NKAIN2: variants seen among roughly 807,000 people sequenced by gnomAD.
The protein encoded by NKAIN2 is sodium/potassium-transporting ATPase subunit beta-1-interacting protein 2.
Under a neutral mutation model 32.6 loss-of-function variants are expected in NKAIN2, and 14 were observed. The observed-to-expected ratio is 0.43, with a 90% CI of 0.28 to 0.67. The LOEUF (loss-of-function observed/expected upper bound fraction) is 0.67, where lower values mean the gene tolerates loss of function less well. NKAIN2 is among the 30% of genes least tolerant of loss of function. The pLI, the probability that NKAIN2 is intolerant of heterozygous loss-of-function variation, is 0.17. For missense variants in NKAIN2, 198 were observed against 258.3 expected (o/e 0.77, Z 1.60); for synonymous variants, 80 against 87.2 (o/e 0.92, Z 0.46).
chr6:123,874,950 G>T (rs576309461), intron 1 of NKAIN2, among the ~76,000 whole-genome samples: 2 of 151,698 alleles, frequency 1.3e-5, no homozygotes. Flanking sequence ...CCTATATAAA[G>T]GATATGAATA....
intron 4 of NKAIN2, among the ~76,000 whole-genome samples, chr6:124,773,516 T>C (rs557761297): frequency 6.6e-6 from 1 of 152,134 alleles, no homozygotes; most frequent in Non-Finnish European, 1.5e-5. Flanking sequence ...GATGGGTTTA[T>C]AGGCCTGCAG....
At chr6:123,844,203 C>T (rs865815826) in intron 1 of NKAIN2, among the ~76,000 whole-genome samples, 4 of 152,250 alleles carry the variant, frequency 2.6e-5, no homozygotes, top group South Asian at 2.1e-4. Flanking sequence ...GAACCCCAAC[C>T]GTGTCCTAAA....
chr6:124,504,290 A>G (rs1365242707), intron 3 of NKAIN2, among the ~76,000 whole-genome samples: 1 of 152,138 alleles, frequency 6.6e-6, no homozygotes, highest in African/African-American at 2.4e-5. Flanking sequence ...TTTGCATAGG[A>G]GTGATGTTTT....
intron 1 of NKAIN2, among the ~76,000 whole-genome samples, chr6:124,048,493 G>A (rs1427651827): frequency 6.6e-6 from 1 of 151,954 alleles, no homozygotes; most frequent in East Asian, 1.9e-4. Context: ...GAATAAGAAA[G>A]ATTTAACTAT....
chr6:124,542,002 T>C (rs990948577), intron 3 of NKAIN2, among the ~76,000 whole-genome samples: 2 of 152,158 alleles, frequency 1.3e-5, no homozygotes. Context: ...GAAACTACCA[T>C]ATATTTAGCA....
chr6:124,092,174 C>G (rs561183330), intron 1 of NKAIN2, among the ~76,000 whole-genome samples: 117 of 152,154 alleles, frequency 7.7e-4, no homozygotes, highest in Non-Finnish European at 1.4e-3. Flanking sequence ...CAAGTGCATC[C>G]AATGCACTGT....
At position 124,066,679 on chromosome 6, in the gene NKAIN2, A is replaced by G. The variant is rs187778994; in HGVS notation, c.55-216326A>G. ...TTAATTGTAAAAATAAAATTATAACATATGATTCAGCCATATGTGTTTTTA... is the reference window on the plus strand; with the variant it reads ...TTAATTGTAAAAATAAAATTATAACGTATGATTCAGCCATATGTGTTTTTA... On this transcript the variant is annotated intron_variant, in intron 1 of 6. Coordinates refer to ENST00000368417, the MANE Select transcript of NKAIN2 (RefSeq NM_001040214.3). 1.7e-3 allele frequency among the ~76,000 whole-genome samples: 252 copies of G among 152,328 alleles called. 2 individuals carry two copies. Among genetic ancestry groups the G allele is most frequent in the Middle Eastern group, 6.8e-3 (2 of 294 alleles).
intron 1 of NKAIN2, among the ~76,000 whole-genome samples, chr6:124,161,247 G>A (rs1788261918): frequency 1.3e-5 from 2 of 152,102 alleles, no homozygotes; most frequent in Admixed American, 1.3e-4. Context: ...TTACATGGCA[G>A]GAGCAGGACT....
At chr6:124,359,409 G>A (rs1421777157) in intron 3 of NKAIN2, among the ~76,000 whole-genome samples, 4 of 152,148 alleles carry the variant, frequency 2.6e-5, no homozygotes, top group Non-Finnish European at 4.4e-5. Flanking sequence ...CATGAGCATG[G>A]AATGTTCTTC....
At chr6:124,816,742 A>C (rs542399722) in intron 5 of NKAIN2, among the ~76,000 whole-genome samples, 7 of 152,284 alleles carry the variant, frequency 4.6e-5, no homozygotes, top group African/African-American at 1.7e-4. Flanking sequence ...GTAAGCCAAT[A>C]GAAGGAGATG....
intron 2 of NKAIN2, among the ~76,000 whole-genome samples, chr6:124,337,554 C>T (rs74987151): frequency 1.3e-5 from 2 of 152,120 alleles, no homozygotes; most frequent in South Asian, 2.1e-4. Flanking sequence ...ACTTAAGCAC[C>T]TAGTTTAGAA....
At chr6:124,410,392 G>T (rs1774103701) in intron 3 of NKAIN2, among the ~76,000 whole-genome samples, 1 of 152,130 alleles carries the variant, frequency 6.6e-6, no homozygotes, top group Non-Finnish European at 1.5e-5. Context: ...GGTATGTTCT[G>T]TCTTTGTTCT....
intron 1 of NKAIN2, among the ~76,000 whole-genome samples, chr6:124,029,454 C>T (rs1781306641): frequency 6.7e-6 from 1 of 149,916 alleles, no homozygotes; most frequent in African/African-American, 2.5e-5. Flanking sequence ...TAAGGAAGCA[C>T]ATACCCCAGT....
At chr6:124,295,030 A>ATG (rs1378272824) in intron 2 of NKAIN2, among the ~76,000 whole-genome samples, 2 of 152,180 alleles carry the variant, frequency 1.3e-5, no homozygotes, top group Non-Finnish European at 2.9e-5. Flanking sequence ...AAAATTTAAT[A>ATG]TGTGTGTACA....
At chr6:124,632,311 G>T (rs1434312463) in intron 3 of NKAIN2, among the ~76,000 whole-genome samples, 1 of 152,112 alleles carries the variant, frequency 6.6e-6, no homozygotes, top group Non-Finnish European at 1.5e-5. Context: ...ATAAAAATGA[G>T]TAGGAAGGAA....
chr6:124,506,748 T>G (rs1299471944), intron 3 of NKAIN2, among the ~76,000 whole-genome samples: 7 of 152,146 alleles, frequency 4.6e-5, no homozygotes, highest in African/African-American at 1.7e-4. Context: ...AAGAAATAAA[T>G]GTACCTACAC....
chr6:124,589,994 T>C (rs529724049), intron 3 of NKAIN2, among the ~76,000 whole-genome samples: 56 of 152,308 alleles, frequency 3.7e-4, no homozygotes, highest in African/African-American at 1.3e-3. Flanking sequence ...CTTTTGCTGT[T>C]GGGTCCTCTC....
chr6:124,115,005 A>G (rs1785543637), intron 1 of NKAIN2, among the ~76,000 whole-genome samples: 1 of 152,130 alleles, frequency 6.6e-6, no homozygotes, highest in South Asian at 2.1e-4. Context: ...AGTGATATGC[A>G]ATTGGAAAAG....
At chr6:124,564,776 A>C (rs1168083339) in intron 3 of NKAIN2, among the ~76,000 whole-genome samples, 2 of 152,190 alleles carry the variant, frequency 1.3e-5, no homozygotes, top group Non-Finnish European at 2.9e-5. Flanking sequence ...TAAGCCCTGG[A>C]AACACTCCCT....
Sources: gnomAD v4.1 joint callset for allele counts (sites outside exome capture counted in the v4.1 genomes callset) on GRCh38, gnomAD v4.1.1 for gene constraint, MANE v1.5 for transcripts, NCBI Gene and HGNC (gene_info 2026-07-23, HGNC 2026-07-21) for gene names.